RBFOX1: variants seen among roughly 807,000 people sequenced by gnomAD.
RBFOX1 encodes the protein RNA binding protein fox-1 homolog 1.
Under a neutral mutation model 57.7 loss-of-function variants are expected in RBFOX1, and 8 were observed. The ratio of observed to expected loss-of-function variants is 0.14; its 90% CI spans 0.08 to 0.25. The LOEUF (loss-of-function observed/expected upper bound fraction) is 0.25. Among genes scored for constraint, RBFOX1 ranks in the 10% least tolerant of loss-of-function variants. The pLI, the probability that RBFOX1 is intolerant of heterozygous loss-of-function variation, is 1.00. For missense variants in RBFOX1, 611 were observed against 548.5 expected (o/e 1.11, Z -1.14); for synonymous variants, 326 against 222.4 (o/e 1.47, Z -4.15).
intron 3 of RBFOX1, among the ~76,000 whole-genome samples, chr16:6,760,286 G>A (rs1356060160): frequency 6.6e-6 from 1 of 152,180 alleles, no homozygotes; most frequent in Admixed American, 6.5e-5. Context: ...TTAAAGGATT[G>A]AGGAGAGCAT....
At chr16:5,288,163 C>G (rs762384219) in intron 1 of RBFOX1, among the ~76,000 whole-genome samples, 6 of 152,160 alleles carry the variant, frequency 3.9e-5, no homozygotes, top group Non-Finnish European at 7.3e-5. Context: ...TCAATTTTGA[C>G]AAAGTTGTTT....
intron 3 of RBFOX1, among the ~76,000 whole-genome samples, chr16:6,893,047 A>C (rs2065904940): frequency 6.6e-6 from 1 of 152,146 alleles, no homozygotes; most frequent in Non-Finnish European, 1.5e-5. Flanking sequence ...AACCGAATAC[A>C]TGATCTTTCT....
rs183677534 is a variant in RBFOX1, at chr16:7,261,073, C to T, written c.27+208975C>T. Reference sequence around the variant, plus strand: ...CACCTGAAAAATGGCCCAAAATGGACAATAAAGGAATTTGGAGGGACAATG... The same window carrying T: ...CACCTGAAAAATGGCCCAAAATGGATAATAAAGGAATTTGGAGGGACAATG... On this transcript the variant is annotated intron_variant, in intron 4 of 15. Coordinates refer to ENST00000550418, the MANE Select transcript of RBFOX1 (RefSeq NM_018723.4). Among the ~76,000 whole-genome samples, 6 of 152,232 alleles carry T rather than the reference C, an allele frequency of 3.9e-5. No homozygotes were observed. The East Asian group carries it at 7.8e-4, about 20-fold the overall frequency.
At chr16:6,151,804 A>G (rs571680668) in intron 1 of RBFOX1, among the ~76,000 whole-genome samples, 43 of 152,306 alleles carry the variant, frequency 2.8e-4, no homozygotes, top group Non-Finnish European at 4.6e-4. Flanking sequence ...CTTTGCCTGT[A>G]TTAAGTAGTA....
chr16:5,447,541 G>T (rs1555521649), intron 1 of RBFOX1, among the ~76,000 whole-genome samples: 2 of 152,098 alleles, frequency 1.3e-5, no homozygotes, highest in Non-Finnish European at 2.9e-5. Context: ...GGGATTACAG[G>T]CACCCGCCAC....
chr16:5,523,235 G>A (rs1337006289), intron 2 of RBFOX1, among the ~76,000 whole-genome samples: 2 of 152,028 alleles, frequency 1.3e-5, no homozygotes, highest in Non-Finnish European at 2.9e-5. Context: ...ACAGTGAGCC[G>A]AGATCGCGCC....
At chr16:7,197,998 CTTTTTTTTTTTTT>C (rs945404947) in intron 4 of RBFOX1, among the ~76,000 whole-genome samples, 1 of 55,598 alleles carries the variant, frequency 1.8e-5, no homozygotes, top group South Asian at 8.0e-4. Context: ...TTCTTTCTTT[CTTTTTTTTTTTTT>C]TTTTTTTTTT....
chr16:5,826,617 A>G (rs556715718), intron 3 of RBFOX1, among the ~76,000 whole-genome samples: 1 of 152,358 alleles, frequency 6.6e-6, no homozygotes, highest in East Asian at 1.9e-4. Context: ...TTTGGCTTGC[A>G]GGCAATAGTT....
chr16:5,370,424 C>T (rs2065828188), intron 1 of RBFOX1, among the ~76,000 whole-genome samples: 1 of 149,318 alleles, frequency 6.7e-6, no homozygotes, highest in Admixed American at 6.7e-5. Flanking sequence ...CTGTCTGGGG[C>T]AAAGATGGTT....
chr16:7,380,145 G>A (rs1596973575), intron 4 of RBFOX1, among the ~76,000 whole-genome samples: 1 of 152,142 alleles, frequency 6.6e-6, no homozygotes, highest in Non-Finnish European at 1.5e-5. Flanking sequence ...GGTGTGAGCT[G>A]TGCCTGGCCA....
At chr16:5,819,246 T>A (rs2055758474) in intron 3 of RBFOX1, among the ~76,000 whole-genome samples, 1 of 152,194 alleles carries the variant, frequency 6.6e-6, no homozygotes, top group Non-Finnish European at 1.5e-5. Context: ...TGTGACATCC[T>A]ATGACAAAGG....
intron 2 of RBFOX1, among the ~76,000 whole-genome samples, chr16:6,328,389 C>A (rs1260887439): frequency 6.6e-6 from 1 of 152,088 alleles, no homozygotes; most frequent in Non-Finnish European, 1.5e-5. Flanking sequence ...AGAACTTATT[C>A]ATATAACAAA....
chr16:6,000,652 G>T (rs1025539129), intron 4 of RBFOX1, among the ~76,000 whole-genome samples: 1 of 151,996 alleles, frequency 6.6e-6, no homozygotes, highest in African/African-American at 2.4e-5. Context: ...TGGATGAAAG[G>T]GTAGGTGGAT....
At chr16:7,017,816 C>T (rs757558134) in intron 3 of RBFOX1, among the ~76,000 whole-genome samples, 3 of 152,156 alleles carry the variant, frequency 2.0e-5, no homozygotes, top group African/African-American at 4.8e-5. Context: ...TAAGCGTTTT[C>T]TTCTGTTTGT....
intron 4 of RBFOX1, among the ~76,000 whole-genome samples, chr16:7,285,225 A>G (rs1335263437): frequency 1.3e-5 from 2 of 151,928 alleles, no homozygotes; most frequent in Middle Eastern, 3.2e-3. Context: ...TGCAGCTGTA[A>G]GGAATAATAC....
chr16:7,389,103 G>C (rs1034258374), intron 4 of RBFOX1, among the ~76,000 whole-genome samples: 1 of 152,008 alleles, frequency 6.6e-6, no homozygotes, highest in Non-Finnish European at 1.5e-5. Flanking sequence ...TTACAAGTTG[G>C]TCTATTTCTT....
At chr16:6,497,701 C>T (rs540364651) in intron 2 of RBFOX1, among the ~76,000 whole-genome samples, 6 of 152,104 alleles carry the variant, frequency 3.9e-5, no homozygotes, top group African/African-American at 1.2e-4. Context: ...AGATTACAGG[C>T]AGATACCACC....
chr16:6,160,474 C>A (rs978322497), intron 1 of RBFOX1, among the ~76,000 whole-genome samples: 1 of 152,104 alleles, frequency 6.6e-6, no homozygotes, highest in Admixed American at 6.6e-5. Flanking sequence ...GCTTGCTCAC[C>A]TCTTGGCCCC....
At chr16:6,844,678 T>G (rs547464154) in intron 3 of RBFOX1, among the ~76,000 whole-genome samples, 97 of 152,316 alleles carry the variant, frequency 6.4e-4, no homozygotes, top group African/African-American at 2.2e-3. Flanking sequence ...AAAGAATGAT[T>G]TCTGTTCCTT....
Sources: gnomAD v4.1 joint callset for allele counts (sites outside exome capture counted in the v4.1 genomes callset) on GRCh38, gnomAD v4.1.1 for gene constraint, MANE v1.5 for transcripts, NCBI Gene and HGNC (gene_info 2026-07-23, HGNC 2026-07-21) for gene names.